Variants in VEZF1 observed in about 807,000 individuals in gnomAD.
VEZF1 encodes the protein putative transcription factor DB1.
A neutral mutation model predicts 44.1 loss-of-function variants in VEZF1; 5 were observed. The ratio of observed to expected loss-of-function variants is 0.11; its 90% CI spans 0.06 to 0.24. VEZF1 has a LOEUF of 0.24. Ranked by LOEUF, VEZF1 falls within the 10% of genes least tolerant of loss-of-function variation. The pLI, the probability that VEZF1 is intolerant of heterozygous loss-of-function variation, is 1.00. For missense variants in VEZF1, 358 were observed against 641.8 expected (o/e 0.56, Z 4.78); for synonymous variants, 236 against 233.1 (o/e 1.01, Z -0.11).
intron 3 of VEZF1, 57 bp downstream of exon 3, chr17:57,981,816 C>T: frequency 4.5e-6 from 7 of 1,538,504 alleles, no homozygotes; most frequent in Non-Finnish European, 6.3e-6. Context: ...CTGGCTCAGA[C>T]CTTCTGGATA....
rs2075239338 is a variant in VEZF1, at chr17:57,980,524, T to C, written c.976+79A>G. 5.8e-6 allele frequency: 8 copies of C among 1,387,706 alleles called. No individual in the cohort carries two copies. In the East Asian group the frequency reaches 1.8e-4, roughly 32 times the overall value. 86.0% of individuals were successfully genotyped at this position (1,387,706 alleles called of 1,614,324 possible). ...AGGAAACACGTAAGGTGAATATTAA[T>C]ACCTTTGATACAATATGAAAACATG... On this transcript the variant is annotated intron_variant, in intron 4 of 5. Transcript: ENST00000581208.
At chr17:57,988,040 CCT>C in intron 1 of VEZF1, 37 bp downstream of exon 1, 1 of 243,070 alleles carries the variant, frequency 4.1e-6, no homozygotes, top group Non-Finnish European at 7.8e-6. Context: ...GCCCGGCCCC[CCT>C]GTCCCCCCCG....
intron 1 of VEZF1, 105 bp from the exon 2 acceptor site, chr17:57,983,498 A>G (rs1215454512): frequency 4.0e-6 from 4 of 994,872 alleles, no homozygotes; most frequent in Non-Finnish European, 5.9e-6. Flanking sequence ...CAAAGAACCT[A>G]TAAGCTACTC....
At chr17:57,980,425 C>A (rs1336516473) in intron 4 of VEZF1, among the ~76,000 whole-genome samples, 178 bp downstream of exon 4, 2 of 152,214 alleles carry the variant, frequency 1.3e-5, no homozygotes, top group African/African-American at 2.4e-5. Flanking sequence ...TGTTTGCATA[C>A]ATGAAAGTAA....
chr17:57,975,901 C>T (rs563869841), intron 5 of VEZF1, among the ~76,000 whole-genome samples: 3 of 152,276 alleles, frequency 2.0e-5, no homozygotes, highest in Admixed American at 2.0e-4. Flanking sequence ...AAGGCTCAAG[C>T]AATCCTCCCA....
chr17:57,983,444 C>T (rs191446166), intron 1 of VEZF1, 51 bp from the exon 2 acceptor site: 23 of 1,459,616 alleles, frequency 1.6e-5, no homozygotes, highest in Admixed American at 6.3e-5. Flanking sequence ...CAATGGCCTT[C>T]GAAATTCAAC....
chr17:57,983,409 T>C lies in VEZF1; in HGVS notation c.34-16A>G. On this transcript the variant is annotated splice_polypyrimidine_tract_variant and intron_variant, in intron 1 of 5. Coordinates refer to ENST00000581208, the MANE Select transcript of VEZF1 (RefSeq NM_007146.3). ...CTTCATGGGCCTAAAACCAAACATT[T>C]ACACTTCAGAAACTCAGCCTCTCAC... is the stretch of plus-strand genomic sequence containing the variant. 6.3e-7 allele frequency: 1 copy of C among 1,580,126 alleles called. No individual in the cohort carries two copies. Among genetic ancestry groups the C allele is most frequent in the Non-Finnish European group, 8.6e-7 (1 of 1,169,218 alleles).
intron 1 of VEZF1, among the ~76,000 whole-genome samples, chr17:57,986,329 T>A (rs1271840219): frequency 6.6e-6 from 1 of 152,158 alleles, no homozygotes; most frequent in Non-Finnish European, 1.5e-5. Flanking sequence ...TCAATCTCTA[T>A]AGACACCATG....
intron 1 of VEZF1, chr17:57,986,003 G>T (rs990695354): frequency 3.3e-5 from 5 of 152,182 alleles, no homozygotes; most frequent in African/African-American, 1.2e-4. Flanking sequence ...AGAAAAGACT[G>T]AAATATTCTC....
At chr17:57,979,911 A>G (rs1355778086) in intron 4 of VEZF1, among the ~76,000 whole-genome samples, 1 of 145,070 alleles carries the variant, frequency 6.9e-6, no homozygotes, top group Non-Finnish European at 1.5e-5. Context: ...CGGAGGTTGC[A>G]GTGAGCCGAG....
chr17:57,986,490 A>G (rs1028845645), intron 1 of VEZF1, among the ~76,000 whole-genome samples: 5 of 152,194 alleles, frequency 3.3e-5, no homozygotes, highest in African/African-American at 4.8e-5. Flanking sequence ...TTCTTTTCCA[A>G]TGCATTTTCA....
intron 1 of VEZF1, among the ~76,000 whole-genome samples, chr17:57,984,957 A>C (rs898605297): frequency 1.3e-4 from 20 of 152,304 alleles, no homozygotes; most frequent in African/African-American, 4.8e-4. Context: ...TTTTAATCTA[A>C]TTTGTGAAGC....
Position 57,982,683 on chromosome 17 carries a change from A to AAGCAG in VEZF1, c.728+15_728+16insCTGCT. 6.3e-7 allele frequency: 1 copy of AAGCAG among 1,586,340 alleles called. No homozygotes were observed. The highest frequency in any genetic ancestry group is 8.6e-7 in the Non-Finnish European group (1 of 1,167,762). On this transcript the variant is annotated intron_variant, in intron 2 of 5. Transcript: ENST00000581208. ...TACCATAATGAAGCAAAGCAAAGCA[A>AAGCAG]AGCAAAATGCAGTACCTTGAGAAGC...
chr17:57,976,982 C>G (rs1406895822), intron 5 of VEZF1, among the ~76,000 whole-genome samples: 2 of 152,184 alleles, frequency 1.3e-5, no homozygotes, highest in Admixed American at 1.3e-4. Flanking sequence ...TTTACTATGA[C>G]TTAAACATTT....
In VEZF1 at chr17:57,974,076, G is replaced by A. The variant is rs1324573350; in HGVS notation, c.*397C>T. On this transcript the variant is annotated 3_prime_UTR_variant, in exon 6 of 6. Transcript: ENST00000581208. ...GATTTAAAATTTCAGGTTAAAATCAGCCATCCACCTTGTATAGGGAGAAGA... is the reference window on the plus strand; with the variant it reads ...GATTTAAAATTTCAGGTTAAAATCAACCATCCACCTTGTATAGGGAGAAGA... 1.6e-5 allele frequency: 3 copies of A among 182,374 alleles called. No individual in the cohort carries two copies. The highest frequency in any genetic ancestry group is 7.1e-5 in the African/African-American group (3 of 42,408). 11.3% of individuals were successfully genotyped at this position (182,374 alleles called of 1,614,324 possible).
At chr17:57,987,459 C>G (rs888625473) in intron 1 of VEZF1, among the ~76,000 whole-genome samples, 2 of 152,178 alleles carry the variant, frequency 1.3e-5, no homozygotes, top group Non-Finnish European at 2.9e-5. Context: ...GCCCCCCCAA[C>G]TGGGTAAACA....
Position 57,974,907 on chromosome 17 carries a change from TAAG to T in VEZF1, c.1139-10_1139-8del, listed in dbSNP as rs746844107. The T allele has an allele frequency of 9.4e-6, 15 of 1,598,128 alleles. No individual in the cohort carries two copies. The highest frequency in any genetic ancestry group is 1.1e-5 in the Non-Finnish European group (13 of 1,169,686). ...TGGCACAGGTTAGCAGCTTCTAAAA[TAAG>T]AAGAAAAAGGGTCTTTAGATTCTCA... On this transcript the variant is annotated splice_polypyrimidine_tract_variant and splice_region_variant and intron_variant, in intron 5 of 5. Coordinates refer to ENST00000581208, the MANE Select transcript of VEZF1 (RefSeq NM_007146.3).
chr17:57,979,087 C>A, intron 5 of VEZF1, 65 bp downstream of exon 5: 1 of 1,558,914 alleles, frequency 6.4e-7, no homozygotes, highest in South Asian at 1.2e-5. Context: ...CTACTTTGAT[C>A]ACTTGGCATA....
chr17:57,979,390 T>G (rs1280655395), intron 4 of VEZF1, 77 bp from the exon 5 acceptor site: 1 of 1,584,784 alleles, frequency 6.3e-7, no homozygotes, highest in African/African-American at 1.3e-5. Flanking sequence ...TGACTTCTCA[T>G]GCTTCTGTGA....
Sources: gnomAD v4.1 joint callset for allele counts (sites outside exome capture counted in the v4.1 genomes callset) on GRCh38, gnomAD v4.1.1 for gene constraint, MANE v1.5 for transcripts, NCBI Gene and HGNC (gene_info 2026-07-23, HGNC 2026-07-21) for gene names.